OSBPL2: variants seen among roughly 807,000 people sequenced by gnomAD.
OSBPL2 encodes oxysterol binding protein like 2.
In OSBPL2, 18 loss-of-function variants were observed where a neutral mutation model predicts 58.4. That is an observed-to-expected ratio of 0.31 (90% CI 0.21 to 0.46). The LOEUF is 0.46. Ranked by LOEUF, OSBPL2 falls within the 20% of genes least tolerant of loss-of-function variation. OSBPL2 has a pLI of 1.00. For missense variants in OSBPL2, 461 were observed against 616.5 expected, an observed-to-expected ratio of 0.75 and a Z score of 2.67; for synonymous variants, 221 against 234.1, an observed-to-expected ratio of 0.94 and a Z score of 0.51.
chr20:62,294,002 G>A lies in OSBPL2; in HGVS notation c.*115G>A, dbSNP rs778013818. 336 of 1,352,640 alleles carry A rather than the reference G, an allele frequency of 2.5e-4. No homozygotes were observed. Among genetic ancestry groups the A allele is most frequent in the Non-Finnish European group, 3.0e-4 (302 of 1,009,304 alleles). The allele number at this position is 1,352,640 out of a possible 1,614,324, so 83.8% of individuals were successfully genotyped here. On this transcript the variant is annotated 3_prime_UTR_variant, in exon 14 of 14. Transcript: ENST00000313733. ...CAACTTTTCTAACGACTGAGTTCGC[G>A]GAGATAGCATCATCCCTGATCAAGG...
intron 5 of OSBPL2, 59 bp downstream of exon 5, chr20:62,272,318 T>C (rs1982116778): frequency 6.3e-7 from 1 of 1,586,266 alleles, no homozygotes; most frequent in African/African-American, 1.3e-5. Context: ...CTTGCATGTC[T>C]GGCCACACAG....
chr20:62,249,893 G>A (rs944834024), intron 1 of OSBPL2, among the ~76,000 whole-genome samples: 7 of 152,222 alleles, frequency 4.6e-5, no homozygotes, highest in Non-Finnish European at 8.8e-5. Context: ...CCTCTGAGAA[G>A]TCCAGGGGTG....
At chr20:62,239,756 C>T (rs1454591857) in intron 1 of OSBPL2, among the ~76,000 whole-genome samples, 2 of 152,250 alleles carry the variant, frequency 1.3e-5, no homozygotes, top group East Asian at 3.8e-4. Flanking sequence ...TGCTGCCCTT[C>T]CTAACTCGTG....
In OSBPL2 at chr20:62,286,658, C is replaced by T. The variant is rs769585741; in HGVS notation, c.1072C>T (p.Pro358Ser). Residue 358 changes from proline to serine, a missense_variant, in exon 11 of 14, where the codon CCT (proline) becomes TCT (serine). Pro to Ser is a moderately conservative substitution (Grantham distance 74). This residue lies in a region of OSBPL2 where 319 missense variants were observed against 419.2 expected (regional missense o/e 0.76). Coordinates refer to ENST00000313733, the MANE Select transcript of OSBPL2 (RefSeq NM_144498.4). ...PVAQETVQVIPGSKLLWRINT... is the reference protein window; with the variant it reads ...PVAQETVQVISGSKLLWRINT... Reference sequence around the variant, plus strand: ...GGCCCAGGAGACCGTGCAGGTCATTCCTGGCAGCAAGCTGCTCTGGAGGAT... The same window carrying T: ...GGCCCAGGAGACCGTGCAGGTCATTTCTGGCAGCAAGCTGCTCTGGAGGAT... 6.2e-7 allele frequency: 1 copy of T among 1,613,602 alleles called. No individual in the cohort carries two copies. Among genetic ancestry groups the T allele is most frequent in the African/African-American group, 1.3e-5 (1 of 74,916 alleles).
intron 2 of OSBPL2, chr20:62,258,919 C>G (rs1981112880): frequency 6.6e-6 from 1 of 152,216 alleles, no homozygotes. Flanking sequence ...CCTTTTTAAC[C>G]CATCCTCTCA....
intron 1 of OSBPL2, among the ~76,000 whole-genome samples, chr20:62,247,560 G>A (rs1319397355): frequency 6.6e-6 from 1 of 152,222 alleles, no homozygotes; most frequent in Non-Finnish European, 1.5e-5. Context: ...CTGTCAGGAG[G>A]AGGAGCATTC....
At chr20:62,268,049 AT>A (rs149417240) in intron 4 of OSBPL2, among the ~76,000 whole-genome samples, 5,292 of 116,132 alleles carry the variant, frequency 0.046, 267 homozygotes, top group African/African-American at 0.16. Flanking sequence ...TGCCCGGCTA[AT>A]TTTTTTTTTT....
In OSBPL2 at chr20:62,258,489, A is replaced by G. The variant is rs1254245863; in HGVS notation, c.38-1492A>G. On this transcript the variant is annotated intron_variant, in intron 2 of 13. Transcript: ENST00000313733. Reference sequence around the variant, plus strand: ...GTGTGTATGGGATTAAGGGCTATGAACGCAGAGGGGCTAATAAAAACAAGG... The same window carrying G: ...GTGTGTATGGGATTAAGGGCTATGAGCGCAGAGGGGCTAATAAAAACAAGG... Among the ~76,000 whole-genome samples, 3 of 152,244 alleles carry G rather than the reference A, an allele frequency of 2.0e-5. No individual in the cohort carries two copies. The East Asian group carries it at 5.8e-4, about 29-fold the overall frequency.
chr20:62,281,418 T>A (rs1982774972), intron 8 of OSBPL2: 2 of 532,602 alleles, frequency 3.8e-6, no homozygotes, highest in South Asian at 4.8e-5. Flanking sequence ...TGAAGAGCTG[T>A]GTCATTGCCA....
chr20:62,276,420 A>G (rs1601186077), intron 6 of OSBPL2, among the ~76,000 whole-genome samples: 2 of 152,210 alleles, frequency 1.3e-5, no homozygotes, highest in East Asian at 1.9e-4. Context: ...ATAAATCACT[A>G]TGCAGTTTGG....
intron 12 of OSBPL2, among the ~76,000 whole-genome samples, chr20:62,290,743 G>GTT (rs1233805508): frequency 8.2e-5 from 10 of 122,256 alleles, no homozygotes; most frequent in African/African-American, 1.3e-4. Flanking sequence ...TGTTTTTTTT[G>GTT]TTTTTTTTTT....
At chr20:62,293,681 C>T (rs867481718) in intron 13 of OSBPL2, 104 bp from the exon 14 acceptor site, 31 of 945,084 alleles carry the variant, frequency 3.3e-5, no homozygotes, top group African/African-American at 1.4e-4. Context: ...CCCACGTTAC[C>T]GTGATGGTGC....
intron 13 of OSBPL2, among the ~76,000 whole-genome samples, chr20:62,292,264 G>A (rs1983569988): frequency 6.6e-6 from 1 of 152,264 alleles, no homozygotes; most frequent in African/African-American, 2.4e-5. Flanking sequence ...GTCCCCCAGG[G>A]GCCACAGCCC....
At position 62,256,231 on chromosome 20, in the gene OSBPL2, A is replaced by G; in HGVS notation, c.37+10A>G. The G allele has an allele frequency of 6.2e-7, 1 of 1,613,076 alleles. No individual in the cohort carries two copies. The highest frequency in any genetic ancestry group is 1.1e-5 in the South Asian group (1 of 91,048). On this transcript the variant is annotated intron_variant, in intron 2 of 13. Coordinates refer to ENST00000313733, the MANE Select transcript of OSBPL2 (RefSeq NM_144498.4). ...TTTGATGCCGTCACAGGTGAGTCAA[A>G]AGAGAACCAACTGGGGACGTACTGG...
At chr20:62,268,360 AG>A (rs1293762406) in intron 4 of OSBPL2, among the ~76,000 whole-genome samples, 1 of 152,036 alleles carries the variant, frequency 6.6e-6, no homozygotes, top group Non-Finnish European at 1.5e-5. Flanking sequence ...TTATCAAGCA[AG>A]GTATATTCCA....
rs1981911044 is a variant in OSBPL2 at position 62,269,476 on chromosome 20, C to A, written c.259-2649C>A. Among the ~76,000 whole-genome samples the A allele has an allele frequency of 6.6e-6, 1 of 152,180 alleles. No homozygotes were observed. The highest frequency in any genetic ancestry group is 1.5e-5 in the Non-Finnish European group (1 of 68,032). On this transcript the variant is annotated intron_variant, in intron 4 of 13. Transcript: ENST00000313733. The surrounding 1 kb of genome is among the most constrained non-coding windows in gnomAD (Gnocchi z 4.2). ...GCATCACTGTGCATTTCCACAGCAG[C>A]CGGGGGGCTTTCCCTGGGTGGGAGT...
intron 1 of OSBPL2, among the ~76,000 whole-genome samples, chr20:62,250,311 T>G (rs1343747658): frequency 6.6e-6 from 1 of 152,206 alleles, no homozygotes; most frequent in Admixed American, 6.5e-5. Flanking sequence ...GTGTGGTGCC[T>G]GTTATGGCAA....
intron 1 of OSBPL2, among the ~76,000 whole-genome samples, chr20:62,244,124 A>G (rs530846207): frequency 1.2e-4 from 19 of 152,144 alleles, no homozygotes; most frequent in Admixed American, 5.2e-4. Context: ...CAAGCCAGCC[A>G]CTCCTTGGCT....
intron 1 of OSBPL2, among the ~76,000 whole-genome samples, chr20:62,243,070 A>G (rs1172323978): frequency 1.3e-5 from 2 of 152,166 alleles, no homozygotes; most frequent in Non-Finnish European, 2.9e-5. Flanking sequence ...TCGGCCAGAG[A>G]GCAACTTCCA....
Sources: allele counts gnomAD v4.1 joint callset (sites outside exome capture counted in the v4.1 genomes callset), GRCh38; gene constraint gnomAD v4.1.1; regional missense constraint gnomAD v4.1.1; non-coding constraint Gnocchi (gnomAD v3.1); transcripts MANE v1.5; gene names NCBI Gene and HGNC (gene_info 2026-07-23, HGNC 2026-07-21).